EFR3B: variants seen among roughly 807,000 people sequenced by gnomAD.
The protein encoded by EFR3B is protein EFR3 homolog B.
EFR3B carries 64 observed loss-of-function variants against 104.7 expected under a neutral mutation model. The ratio of observed to expected loss-of-function variants is 0.61; its 90% CI spans 0.50 to 0.75. EFR3B has a LOEUF of 0.75. Among genes scored for constraint, EFR3B ranks in the 30% least tolerant of loss-of-function variants. EFR3B has a pLI of 0.00. For missense variants in EFR3B, 750 were observed against 1,078.5 expected, an observed-to-expected ratio of 0.70 and a Z score of 4.27; for synonymous variants, 385 against 417.9, an observed-to-expected ratio of 0.92 and a Z score of 0.96.
intron 19 of EFR3B, 136 bp from the exon 20 acceptor site, chr2:25,149,558 G>C (rs1277196370): frequency 1.2e-6 from 1 of 813,242 alleles, no homozygotes; most frequent in African/African-American, 1.7e-5. Context: ...AGGGGGGTGG[G>C]GGTGTCCTGA....
At chr2:25,122,597 T>C (rs1670046005) in intron 5 of EFR3B, among the ~76,000 whole-genome samples, 1 of 152,010 alleles carries the variant, frequency 6.6e-6, no homozygotes, top group African/African-American at 2.4e-5. Context: ...CTCAGGGCCT[T>C]TGCACAGTCT....
At chr2:25,074,275 A>G (rs986202130) in intron 1 of EFR3B, among the ~76,000 whole-genome samples, 21 of 152,144 alleles carry the variant, frequency 1.4e-4, no homozygotes, top group African/African-American at 5.1e-4. Flanking sequence ...GCTCAAAGGA[A>G]GCATCTTTGG....
chr2:25,078,848 G>A (rs531062166), intron 1 of EFR3B, among the ~76,000 whole-genome samples: 1 of 152,316 alleles, frequency 6.6e-6, no homozygotes, highest in South Asian at 2.1e-4. Context: ...GGATCCGCCA[G>A]GTGTCAGGTC....
intron 1 of EFR3B, among the ~76,000 whole-genome samples, chr2:25,050,888 C>A (rs918817711): frequency 1.4e-4 from 21 of 152,170 alleles, no homozygotes; most frequent in Non-Finnish European, 4.4e-5. Context: ...GGAGACACTT[C>A]CTAAACCTTG....
chr2:25,092,917 T>G (rs1269651425), intron 2 of EFR3B, 86 bp from the exon 3 acceptor site: 1 of 1,475,754 alleles, frequency 6.8e-7, no homozygotes, highest in African/African-American at 1.4e-5. Flanking sequence ...TAAATGTTGA[T>G]TCCGTCGAAT....
chr2:25,047,495 A>G lies in EFR3B; in HGVS notation c.7+5176A>G, dbSNP rs369497930. Among the ~76,000 whole-genome samples the G allele has an allele frequency of 2.2e-4, 33 of 151,672 alleles. No individual in the cohort carries two copies. In the South Asian group the frequency reaches 6.7e-3, roughly 31 times the overall value. The stretch of plus-strand genomic sequence containing the variant: ...CTTTTCTCTGTTTCTTAATTTTTTT[A>G]TTTTTTAATTATTTATTTATTTTGA... On this transcript the variant is annotated intron_variant, in intron 1 of 22. Transcript: ENST00000403714.
chr2:25,059,574 G>GGA, intron 1 of EFR3B, among the ~76,000 whole-genome samples: 1 of 85,564 alleles, frequency 1.2e-5, no homozygotes, highest in East Asian at 3.8e-4. Flanking sequence ...AGGGACTGCG[G>GGA]GGGGGGGGGG....
chr2:25,067,517 C>T (rs1450948534), intron 1 of EFR3B, among the ~76,000 whole-genome samples: 1 of 151,800 alleles, frequency 6.6e-6, no homozygotes, highest in East Asian at 1.9e-4. Context: ...TCACTGCAAC[C>T]TCCGCCTCCT....
At chr2:25,056,078 G>A (rs940725724) in intron 1 of EFR3B, among the ~76,000 whole-genome samples, 2 of 152,140 alleles carry the variant, frequency 1.3e-5, no homozygotes, top group Non-Finnish European at 2.9e-5. Flanking sequence ...GTGTTTCCAG[G>A]GTATCAATGA....
chr2:25,064,494 A>C (rs1668279150), intron 1 of EFR3B, among the ~76,000 whole-genome samples: 1 of 152,218 alleles, frequency 6.6e-6, no homozygotes, highest in South Asian at 2.1e-4. Context: ...ATTTTGGGAA[A>C]GGGGAAAGCA....
intron 1 of EFR3B, chr2:25,080,482 A>C (rs191371825): frequency 2.1e-6 from 1 of 471,554 alleles, no homozygotes; most frequent in Non-Finnish European, 3.8e-6. Context: ...TTTATTAGAG[A>C]CGGGGTTTCA....
At position 25,114,879 on chromosome 2, in the gene EFR3B, C is replaced by T. The variant is rs1031737971; in HGVS notation, c.364-6794C>T. Among the ~76,000 whole-genome samples the T allele has an allele frequency of 9.2e-5, 14 of 152,162 alleles. 1 individual carries two copies. Among genetic ancestry groups the T allele is most frequent in the Admixed American group, 3.9e-4 (6 of 15,272 alleles). ...ATCCCCTGCCCCAGAGTAGGGGGAG[C>T]GGGCACTTAAGGATGCAGGTACCTG... On this transcript the variant is annotated intron_variant, in intron 4 of 22. Coordinates refer to ENST00000403714, the MANE Select transcript of EFR3B (RefSeq NM_014971.2). The surrounding 1 kb of genome is among the most constrained non-coding windows in gnomAD (Gnocchi z 4.0).
At chr2:25,118,148 T>A (rs1194194628) in intron 4 of EFR3B, among the ~76,000 whole-genome samples, 2 of 151,850 alleles carry the variant, frequency 1.3e-5, no homozygotes, top group East Asian at 3.9e-4. Flanking sequence ...CCTGGCAAAT[T>A]TTTTGTATTT....
intron 4 of EFR3B, among the ~76,000 whole-genome samples, chr2:25,112,853 CACTG>C (rs1669758915): frequency 6.6e-6 from 1 of 152,188 alleles, no homozygotes; most frequent in Non-Finnish European, 1.5e-5. Context: ...ATAGTTCTGT[CACTG>C]ACAGCAGGAA....
At chr2:25,126,789 C>T (rs2149203189) in intron 5 of EFR3B, among the ~76,000 whole-genome samples, 1 of 152,190 alleles carries the variant, frequency 6.6e-6, no homozygotes, top group East Asian at 1.9e-4. Flanking sequence ...GCCACTGTGT[C>T]TGGCTGCCTT....
At chr2:25,094,066 C>T (rs1350415862) in intron 3 of EFR3B, among the ~76,000 whole-genome samples, 3 of 151,902 alleles carry the variant, frequency 2.0e-5, no homozygotes, top group Non-Finnish European at 4.4e-5. Context: ...GTGGGAGGAT[C>T]ACTTGAGCCC....
At chr2:25,148,103 G>A (rs1251758205) in intron 19 of EFR3B, among the ~76,000 whole-genome samples, 1 of 149,918 alleles carries the variant, frequency 6.7e-6, no homozygotes, top group East Asian at 2.0e-4. Flanking sequence ...AGTAAGTTCT[G>A]GAATTTAGTC....
chr2:25,118,269 C>G (rs1203588996), intron 4 of EFR3B, among the ~76,000 whole-genome samples: 2 of 152,244 alleles, frequency 1.3e-5, no homozygotes, highest in Admixed American at 1.3e-4. Context: ...GCGTGAGTCA[C>G]TGCGCCTGGC....
At chr2:25,059,999 C>T (rs1006000953) in intron 1 of EFR3B, among the ~76,000 whole-genome samples, 1 of 151,506 alleles carries the variant, frequency 6.6e-6, no homozygotes, top group African/African-American at 2.4e-5. Flanking sequence ...GAATTCGAGA[C>T]CAGCCCGGCC....
Sources: allele counts gnomAD v4.1 joint callset (sites outside exome capture counted in the v4.1 genomes callset), GRCh38; gene constraint gnomAD v4.1.1; non-coding constraint Gnocchi (gnomAD v3.1); transcripts MANE v1.5; gene names NCBI Gene and HGNC (gene_info 2026-07-23, HGNC 2026-07-21).